The following COL1A1 variants were observed in gnomAD, a reference collection of about 807,000 sequenced individuals.
COL1A1 encodes the protein collagen type I alpha 1 chain.
In COL1A1, 21 loss-of-function variants were observed where a neutral mutation model predicts 195.7. That is an observed-to-expected ratio of 0.11 (90% confidence interval 0.08 to 0.15). The LOEUF (loss-of-function observed/expected upper bound fraction) is 0.15. Ranked by LOEUF, COL1A1 falls within the 10% of genes least tolerant of loss-of-function variation. The probability of loss-of-function intolerance (pLI) is 1.00; values close to 1 mark genes in which losing one functional copy is unlikely to be tolerated. For synonymous variants in COL1A1, 749 were observed against 747.3 expected (o/e 1.00, Z -0.04); for missense variants, 1,365 against 2,051.0 (o/e 0.67, Z 6.46).
chr17:50,201,289 T>A (rs1908072566), intron 1 of COL1A1, 122 bp downstream of exon 1: 4 of 927,520 alleles, frequency 4.3e-6, no homozygotes, highest in Admixed American at 2.0e-5. Flanking sequence ...AGAGCCCTCA[T>A]CATCTCCCTT....
intron 5 of COL1A1, 157 bp from the exon 6 acceptor site, chr17:50,198,661 A>G (rs1907810049): frequency 1.4e-6 from 1 of 690,344 alleles, no homozygotes; most frequent in Non-Finnish European, 2.6e-6. Context: ...GCATCCCTGC[A>G]TCTAATCTAA....
chr17:50,191,665 C>T (rs1907087517), intron 31 of COL1A1, 123 bp downstream of exon 31: 5 of 1,232,242 alleles, frequency 4.1e-6, no homozygotes, highest in Non-Finnish European at 5.8e-6. Context: ...CTGCCCTGGT[C>T]TTTTCCCCCC....
chr17:50,192,499 A>G lies in COL1A1; in HGVS notation c.1959T>C (p.Gly653=). The change falls in exon 29 of 51, where the codon GGT becomes GGC. Residue 653 remains glycine (G), a synonymous_variant. Coordinates refer to ENST00000225964, the MANE Select transcript of COL1A1 (RefSeq NM_000088.4). ...QGLPGPAGPP[G]EAGKPGEQGV... Reference sequence around the variant, plus strand: ...CCTGTTCACCAGGTTTGCCTGCTTCACCTGGAGGACCAGCAGGACCAGGGA... The same window carrying G: ...CCTGTTCACCAGGTTTGCCTGCTTCGCCTGGAGGACCAGCAGGACCAGGGA... 6.2e-7 allele frequency: 1 copy of G among 1,613,554 alleles called. No individual in the cohort carries two copies. Among genetic ancestry groups the G allele is most frequent in the Non-Finnish European group, 8.5e-7 (1 of 1,179,740 alleles).
At position 50,197,710 on chromosome 17, in the gene COL1A1, T is replaced by C. The variant is rs919603545; in HGVS notation, c.696+22A>G. On this transcript the variant is annotated intron_variant, in intron 9 of 50. Transcript: ENST00000225964. ...ATGGAGGCCATGGGGTCAGATGGTA[T>C]CTTCTTGCTGGGGATACTTACATCA... 3 of 1,566,926 alleles carry C rather than the reference T, an allele frequency of 1.9e-6. No homozygotes were observed. In the African/African-American group the frequency reaches 4.1e-5, roughly 22 times the overall value.
At chr17:50,198,111 C>A (rs1157825902) in intron 7 of COL1A1, 50 bp downstream of exon 7, 4 of 1,612,456 alleles carry the variant, frequency 2.5e-6, no homozygotes, top group Admixed American at 1.7e-5. Flanking sequence ...AGTCTTCCCT[C>A]CAAAAGACCA....
Position 50,186,042 on chromosome 17 carries a change from G to A in COL1A1, c.4006-22C>T. On this transcript the variant is annotated intron_variant, in intron 49 of 50. Coordinates refer to ENST00000225964, the MANE Select transcript of COL1A1 (RefSeq NM_000088.4). This position sits in a 1 kb window ranked among gnomAD's most constrained non-coding sequence, Gnocchi z 5.3. Reference sequence around the variant, plus strand: ...CGAACTGCAGGGGAGGGGAGAGAGGGAAGAGTGAGCCGCTATGCGGGAACC... The same window carrying A: ...CGAACTGCAGGGGAGGGGAGAGAGGAAAGAGTGAGCCGCTATGCGGGAACC... The A allele has an allele frequency of 6.2e-7, 1 of 1,610,864 alleles. No individual in the cohort carries two copies. Among genetic ancestry groups the A allele is most frequent in the Non-Finnish European group, 8.5e-7 (1 of 1,179,882 alleles).
At position 50,199,459 on chromosome 17, in the gene COL1A1, G is replaced by C; in HGVS notation, c.334-6C>G. ...CCAGTGTCTCCCTTGGGTCCCTGTG[G>C]GATTGGGGGAGAAGAAACAAGAGGC... is the stretch of plus-strand genomic sequence containing the variant. On this transcript the variant is annotated splice_region_variant and splice_polypyrimidine_tract_variant and intron_variant, in intron 3 of 50. Coordinates refer to ENST00000225964, the MANE Select transcript of COL1A1 (RefSeq NM_000088.4). 1.2e-6 allele frequency: 2 copies of C among 1,614,182 alleles called. No homozygotes were observed. Among genetic ancestry groups the C allele is most frequent in the Non-Finnish European group, 1.7e-6 (2 of 1,179,990 alleles).
At position 50,190,128 on chromosome 17, in the gene COL1A1, G is replaced by A. The variant is rs1165467743; in HGVS notation, c.2452-20C>T. On this transcript the variant is annotated intron_variant, in intron 35 of 50. Coordinates refer to ENST00000225964, the MANE Select transcript of COL1A1 (RefSeq NM_000088.4). The surrounding 1 kb of genome is among the most constrained non-coding windows in gnomAD (Gnocchi z 4.7). ...AGCACCCTGGGGGAGGAAGCAGGGC[G>A]GTGAATGGAGGGAAGGAGGCAGGAG... 40 of 1,599,726 alleles carry A rather than the reference G, an allele frequency of 2.5e-5. No individual in the cohort carries two copies. Among genetic ancestry groups the A allele is most frequent in the African/African-American group, 6.7e-5 (5 of 74,592 alleles).
chr17:50,188,166 A>T lies in COL1A1; in HGVS notation c.3208-17T>A. ...AGCAGGACCCTGGGGAGAGCAAGGA[A>T]AGCATGAGCTCTTGGCCAGGGAAGG... On this transcript the variant is annotated splice_polypyrimidine_tract_variant and intron_variant, in intron 43 of 50. Coordinates refer to ENST00000225964, the MANE Select transcript of COL1A1 (RefSeq NM_000088.4). This position sits in a 1 kb window ranked among gnomAD's most constrained non-coding sequence, Gnocchi z 5.6. 1 of 1,545,368 alleles carries T rather than the reference A, an allele frequency of 6.5e-7. No homozygotes were observed. Among genetic ancestry groups the T allele is most frequent in the Non-Finnish European group, 8.8e-7 (1 of 1,142,832 alleles).
chr17:50,191,688 A>G lies in COL1A1; in HGVS notation c.2127+100T>C, dbSNP rs1907090010. 21 of 1,357,094 alleles carry G rather than the reference A, an allele frequency of 1.5e-5. No homozygotes were observed. In the South Asian group the frequency reaches 2.6e-4, roughly 17 times the overall value. 84.1% of individuals were successfully genotyped at this position (1,357,094 alleles called of 1,614,324 possible). A position where few individuals can be genotyped will look rare whatever the true frequency, so the allele number is the denominator to read the frequency against. On this transcript the variant is annotated intron_variant, in intron 31 of 50. Coordinates refer to ENST00000225964, the MANE Select transcript of COL1A1 (RefSeq NM_000088.4). The stretch of plus-strand genomic sequence containing the variant: ...GTCTTTTCCCCCCACCCCACACCCT[A>G]TCTCCATGGCTTTGGTCATGGCCCG...
chr17:50,196,271 C>CT, intron 14 of COL1A1, 43 bp downstream of exon 14: 1 of 1,609,818 alleles, frequency 6.2e-7, no homozygotes. Flanking sequence ...TGGGGAGCCC[C>CT]TTCCAGAGCT....
At chr17:50,197,816 T>C (rs1907726040) in intron 8 of COL1A1, 31 bp from the exon 9 acceptor site, 1 of 1,602,082 alleles carries the variant, frequency 6.2e-7, no homozygotes, top group African/African-American at 1.5e-5. Context: ...GGTTAGAATA[T>C]GGATAAGAAA....
Position 50,197,043 on chromosome 17 carries a change from T to C in COL1A1, c.771A>G (p.Gly257=). Reference sequence around the variant, plus strand: ...CCTTCATTCCAGGGAGGCCAGCTGTTCCGGGCAATCCTCGAGCACCCTGGA... The same window carrying C: ...CCTTCATTCCAGGGAGGCCAGCTGTCCCGGGCAATCCTCGAGCACCCTGGA... ...PGPQGARGLP[G]TAGLPGMKGH... The change falls in exon 11 of 51, where the codon GGA becomes GGG. Residue 257 remains glycine, a synonymous_variant. Transcript: ENST00000225964. 3 of 1,614,046 alleles carry C rather than the reference T, an allele frequency of 1.9e-6. No homozygotes were observed. Among genetic ancestry groups the C allele is most frequent in the South Asian group, 1.1e-5 (1 of 91,060 alleles).
rs1160929077 is a variant in COL1A1 at position 50,189,216 on chromosome 17, C to G, written c.2889G>C (p.Leu963=). ...GIAGQRGVVG[L]PGQRGERGFP... is the part of the protein sequence containing the mutation. ...AGCCTCTCTCTCCTCTCTGACCAGG[C>G]AGGCCGACCACACCACGCTGTCCAG... The change falls in exon 40 of 51, where the codon CTG becomes CTC. Residue 963 remains leucine (L), a synonymous_variant. Coordinates refer to ENST00000225964, the MANE Select transcript of COL1A1 (RefSeq NM_000088.4). The surrounding 1 kb of genome is among the most constrained non-coding windows in gnomAD (Gnocchi z 5.5). 1.9e-6 allele frequency: 3 copies of G among 1,613,846 alleles called. No homozygotes were observed. The highest frequency in any genetic ancestry group is 2.5e-6 in the Non-Finnish European group (3 of 1,179,914).
In COL1A1 at chr17:50,190,942, C is replaced by CT. The variant is rs1453383614; in HGVS notation, c.2236-19dup. 6.2e-7 allele frequency: 1 copy of CT among 1,610,648 alleles called. No homozygotes were observed. The highest frequency in any genetic ancestry group is 8.5e-7 in the Non-Finnish European group (1 of 1,177,110). On this transcript the variant is annotated intron_variant, in intron 32 of 50. Coordinates refer to ENST00000225964, the MANE Select transcript of COL1A1 (RefSeq NM_000088.4). This position sits in a 1 kb window ranked among gnomAD's most constrained non-coding sequence, Gnocchi z 4.7. ...GCATCACCCTAAAGACATGGATAAG[C>CT]TTGAGATTTCCAGTGTGGGGCAAGG...
At chr17:50,192,210 TC>T in intron 29 of COL1A1, 186 bp from the exon 30 acceptor site, 4 of 739,404 alleles carry the variant, frequency 5.4e-6, no homozygotes, top group Non-Finnish European at 8.9e-6. Context: ...GCTTCCCCCC[TC>T]CCCAAACTAT....
In COL1A1 at chr17:50,188,505, A is replaced by G. The variant is rs201412286; in HGVS notation, c.3207+25T>C. 2.5e-4 allele frequency: 404 copies of G among 1,608,258 alleles called. 1 individual carries two copies. The African/African-American group carries it at 3.5e-3, about 14-fold the overall frequency. On this transcript the variant is annotated intron_variant, in intron 43 of 50. Coordinates refer to ENST00000225964, the MANE Select transcript of COL1A1 (RefSeq NM_000088.4). This position sits in a 1 kb window ranked among gnomAD's most constrained non-coding sequence, Gnocchi z 5.6. ...AAGAGTCCCTGGCCTGACCAGGTAC[A>G]GGGAACTGGAGCCCAGCTACTTACA...
In COL1A1 at chr17:50,197,796, T is replaced by C. The variant is rs1454517926; in HGVS notation, c.643-11A>G. On this transcript the variant is annotated splice_polypyrimidine_tract_variant and intron_variant, in intron 8 of 50. Coordinates refer to ENST00000225964, the MANE Select transcript of COL1A1 (RefSeq NM_000088.4). The stretch of plus-strand genomic sequence containing the variant: ...GGGACCCATGGGACCCTAGAAAAGA[T>C]AGAAGAGGTGGTTAGAATATGGATA... 5.0e-6 allele frequency: 8 copies of C among 1,609,934 alleles called. No individual in the cohort carries two copies. Among genetic ancestry groups the C allele is most frequent in the Non-Finnish European group, 6.8e-6 (8 of 1,178,614 alleles).
At chr17:50,200,199 T>C in intron 1 of COL1A1, 2 of 494,344 alleles carry the variant, frequency 4.0e-6, no homozygotes, top group Non-Finnish European at 7.4e-6. Context: ...CGCGGTGGCT[T>C]CCAACTCCAA....
Sources: allele counts gnomAD v4.1 joint callset, GRCh38; gene constraint gnomAD v4.1.1; non-coding constraint Gnocchi (gnomAD v3.1); transcripts MANE v1.5; gene names NCBI Gene and HGNC (gene_info 2026-07-23, HGNC 2026-07-21).